The following ST3GAL1 variants were observed in gnomAD, a reference collection of about 807,000 sequenced individuals.
ST3GAL1 encodes the protein CMP-N-acetylneuraminate-beta-galactosamide-alpha-2,3-sialyltransferase 1.
ST3GAL1 carries 16 observed loss-of-function variants against 34.1 expected under a neutral mutation model. That is an observed-to-expected ratio of 0.47 (90% CI 0.32 to 0.71). The LOEUF is 0.71. Among genes scored for constraint, ST3GAL1 ranks in the 30% least tolerant of loss-of-function variants. The probability of loss-of-function intolerance (pLI) is 0.04; values close to 1 mark genes in which losing one functional copy is unlikely to be tolerated. For synonymous variants in ST3GAL1, 191 were observed against 184.7 expected (o/e 1.03, Z -0.28); for missense variants, 353 against 447.4 (o/e 0.79, Z 1.90).
chr8:133,511,177 A>G (rs1817489883), intron 2 of ST3GAL1, among the ~76,000 whole-genome samples: 1 of 152,200 alleles, frequency 6.6e-6, no homozygotes, highest in Non-Finnish European at 1.5e-5. Context: ...CAACAAACAC[A>G]TTTTAAAAAT....
chr8:133,566,596 C>G (rs1208369674), intron 1 of ST3GAL1, among the ~76,000 whole-genome samples: 1 of 152,158 alleles, frequency 6.6e-6, no homozygotes, highest in Non-Finnish European at 1.5e-5. Context: ...CAGGGACTTG[C>G]TCCAGCTCAC....
chr8:133,524,476 C>T (rs553818307), intron 2 of ST3GAL1, among the ~76,000 whole-genome samples: 23 of 152,364 alleles, frequency 1.5e-4, no homozygotes, highest in Middle Eastern at 3.4e-3. Context: ...TGGCCAGCAG[C>T]GCCTTCTACC....
At chr8:133,548,670 C>T (rs1818740827) in intron 1 of ST3GAL1, among the ~76,000 whole-genome samples, 1 of 152,182 alleles carries the variant, frequency 6.6e-6, no homozygotes, top group South Asian at 2.1e-4. Flanking sequence ...AGGGCCTTAC[C>T]TGGGAGCACC....
At chr8:133,520,194 T>A (rs1246464021) in intron 2 of ST3GAL1, among the ~76,000 whole-genome samples, 1 of 152,120 alleles carries the variant, frequency 6.6e-6, no homozygotes, top group African/African-American at 2.4e-5. Flanking sequence ...GCAGAGACTA[T>A]GCAAAGAAAT....
chr8:133,563,428 C>T (rs928406664), intron 1 of ST3GAL1, among the ~76,000 whole-genome samples: 1 of 152,106 alleles, frequency 6.6e-6, no homozygotes, highest in African/African-American at 2.4e-5. Context: ...TATAGAAGGC[C>T]ATTGTTTTGG....
At chr8:133,490,486 T>C (rs1816753543) in intron 3 of ST3GAL1, among the ~76,000 whole-genome samples, 1 of 152,196 alleles carries the variant, frequency 6.6e-6, no homozygotes, top group African/African-American at 2.4e-5. Context: ...CAAGACATGA[T>C]GCCAAGGGCC....
At chr8:133,540,790 TATAGACATATATATAG>T (rs1202297743) in intron 2 of ST3GAL1, among the ~76,000 whole-genome samples, 159 of 122,032 alleles carry the variant, frequency 1.3e-3, no homozygotes, top group South Asian at 1.7e-3. Context: ...CATATATATA[TATAGACATATATATAG>T]AGAGACATAT....
intron 2 of ST3GAL1, among the ~76,000 whole-genome samples, chr8:133,506,611 C>A (rs978874828): frequency 7.3e-5 from 11 of 151,312 alleles, no homozygotes; most frequent in African/African-American, 2.7e-4. Context: ...ATGGTGAAAC[C>A]CCGTTTCTAC....
intron 1 of ST3GAL1, among the ~76,000 whole-genome samples, chr8:133,550,648 T>G (rs1242873256): frequency 1.3e-5 from 2 of 152,232 alleles, no homozygotes; most frequent in Non-Finnish European, 2.9e-5. Flanking sequence ...AGCAGGGAAC[T>G]GCTGGGCTTA....
intron 1 of ST3GAL1, among the ~76,000 whole-genome samples, chr8:133,562,830 C>T (rs1819277085): frequency 1.9e-5 from 2 of 106,052 alleles, no homozygotes; most frequent in African/African-American, 4.5e-5. Context: ...TCCTTCCTTC[C>T]TTCCTTCCTT....
intron 5 of ST3GAL1, among the ~76,000 whole-genome samples, chr8:133,468,415 G>T (rs1815827461): frequency 6.6e-6 from 1 of 152,226 alleles, no homozygotes; most frequent in Non-Finnish European, 1.5e-5. Context: ...ACCTAGAGTA[G>T]TCAAATTCAT....
chr8:133,549,319 T>G (rs1818757000), intron 1 of ST3GAL1, among the ~76,000 whole-genome samples: 1 of 150,102 alleles, frequency 6.7e-6, no homozygotes, highest in Non-Finnish European at 1.5e-5. Context: ...GGAGAATCAC[T>G]AGAACCCAGG....
rs533598459 is a variant in ST3GAL1, at chr8:133,515,485, G to T, written c.-428-16296C>A. The T allele has an allele frequency of 3.3e-5, 5 of 152,224 alleles. No homozygotes were observed. In the South Asian group the frequency reaches 1.0e-3, roughly 32 times the overall value. 9.4% of individuals were successfully genotyped at this position (152,224 alleles called of 1,614,324 possible). ...GTGCTCACTCTACTAGTTCTCAAGG[G>T]TTCTCATTGTTTAAAAGAGCCCCTA... On this transcript the variant is annotated intron_variant, in intron 2 of 9. Transcript: ENST00000522652.
chr8:133,526,456 G>C (rs901117571), intron 2 of ST3GAL1, among the ~76,000 whole-genome samples: 3 of 152,122 alleles, frequency 2.0e-5, no homozygotes, highest in African/African-American at 7.2e-5. Flanking sequence ...TAATCAAATA[G>C]TTTGCTCCAA....
At chr8:133,524,576 T>C (rs1817906855) in intron 2 of ST3GAL1, among the ~76,000 whole-genome samples, 1 of 152,246 alleles carries the variant, frequency 6.6e-6, no homozygotes, top group Admixed American at 6.5e-5. Flanking sequence ...ATCACACACC[T>C]GCTAAGGGCA....
At chr8:133,561,768 A>C (rs1167496699) in intron 1 of ST3GAL1, among the ~76,000 whole-genome samples, 1 of 152,126 alleles carries the variant, frequency 6.6e-6, no homozygotes, top group Non-Finnish European at 1.5e-5. Context: ...CAAGGCCTAG[A>C]TCTGCCATTT....
At chr8:133,565,282 G>A (rs987247550) in intron 1 of ST3GAL1, among the ~76,000 whole-genome samples, 2 of 152,078 alleles carry the variant, frequency 1.3e-5, no homozygotes, top group East Asian at 3.9e-4. Context: ...GCTGCTGGGT[G>A]GGCTCAGCTC....
At position 133,463,484 on chromosome 8, in the gene ST3GAL1, G is replaced by T. The variant is rs777870567; in HGVS notation, c.684-25C>A. On this transcript the variant is annotated intron_variant, in intron 7 of 9. Coordinates refer to ENST00000522652, the MANE Select transcript of ST3GAL1 (RefSeq NM_173344.3). ...GCTGCAGTTGGAGAAAGAGAAGCTG[G>T]TTAATGGGGCAGGGGACAGGCCCAG... 9 of 1,613,348 alleles carry T rather than the reference G, an allele frequency of 5.6e-6. No homozygotes were observed. In the South Asian group the frequency reaches 9.9e-5, roughly 18 times the overall value.
At chr8:133,558,418 G>C (rs1304975598) in intron 1 of ST3GAL1, among the ~76,000 whole-genome samples, 1 of 152,220 alleles carries the variant, frequency 6.6e-6, no homozygotes, top group African/African-American at 2.4e-5. Flanking sequence ...CACGCAGTTA[G>C]GCAGTGGCAG....
Sources: gnomAD v4.1 joint callset for allele counts (sites outside exome capture counted in the v4.1 genomes callset) on GRCh38, gnomAD v4.1.1 for gene constraint, MANE v1.5 for transcripts, NCBI Gene and HGNC (gene_info 2026-07-23, HGNC 2026-07-21) for gene names.